The following RAD51B variants were observed in gnomAD, a reference collection of about 807,000 sequenced individuals.
RAD51B encodes the protein RAD51 paralog B.
RAD51B carries 38 observed loss-of-function variants against 42.2 expected under a neutral mutation model. The observed-to-expected ratio is 0.90, with a 90% CI of 0.70 to 1.18. The LOEUF (loss-of-function observed/expected upper bound fraction) is 1.18, where lower values mean the gene tolerates loss of function less well. RAD51B is among the 50% of genes most tolerant of loss of function. The pLI is 0.00. For missense variants in RAD51B, 373 were observed against 400.7 expected (o/e 0.93, Z 0.59); for synonymous variants, 154 against 145.2 (o/e 1.06, Z -0.43).
chr14:68,333,228 C>T (rs1407363987), intron 8 of RAD51B, among the ~76,000 whole-genome samples: 2 of 152,032 alleles, frequency 1.3e-5, no homozygotes, highest in Non-Finnish European at 1.5e-5. Context: ...GTAAAGAATG[C>T]CTACAAATCA....
At chr14:67,900,286 T>G (rs2043565933) in intron 7 of RAD51B, among the ~76,000 whole-genome samples, 1 of 152,202 alleles carries the variant, frequency 6.6e-6, no homozygotes, top group Non-Finnish European at 1.5e-5. Context: ...CTGAACAATA[T>G]TCTCAGAATT....
chr14:68,509,897 T>A (rs897783980), intron 10 of RAD51B, among the ~76,000 whole-genome samples: 1 of 152,260 alleles, frequency 6.6e-6, no homozygotes, highest in African/African-American at 2.4e-5. Flanking sequence ...TGCTTTAGCT[T>A]ATGGGGGGTG....
At chr14:68,237,946 G>A (rs1020307017) in intron 7 of RAD51B, among the ~76,000 whole-genome samples, 3 of 152,042 alleles carry the variant, frequency 2.0e-5, no homozygotes, top group African/African-American at 7.2e-5. Flanking sequence ...TGTTGGCCAA[G>A]ATGGTCTCGA....
chr14:68,081,136 T>C (rs1241086515), intron 7 of RAD51B, among the ~76,000 whole-genome samples: 1 of 152,240 alleles, frequency 6.6e-6, no homozygotes, highest in Non-Finnish European at 1.5e-5. Flanking sequence ...CACTTTGATA[T>C]GGCTCTCAAA....
intron 10 of RAD51B, among the ~76,000 whole-genome samples, chr14:68,624,022 AG>A (rs554283469): frequency 1.8e-4 from 27 of 152,322 alleles, no homozygotes; most frequent in African/African-American, 6.5e-4. Context: ...TTGGTCAGGA[AG>A]GGGGCCTCTG....
intron 7 of RAD51B, among the ~76,000 whole-genome samples, chr14:67,887,881 A>C (rs1424571960): frequency 6.6e-6 from 1 of 152,128 alleles, no homozygotes; most frequent in Non-Finnish European, 1.5e-5. Context: ...ACTAAGTTAC[A>C]CTCCCATCTG....
intron 10 of RAD51B, among the ~76,000 whole-genome samples, chr14:68,536,427 G>A (rs1457189680): frequency 6.6e-6 from 1 of 152,170 alleles, no homozygotes; most frequent in African/African-American, 2.4e-5. Context: ...AAAAGAATAT[G>A]TAAAACTGTA....
intron 7 of RAD51B, among the ~76,000 whole-genome samples, chr14:68,067,608 G>C (rs909957606): frequency 1.3e-5 from 2 of 151,980 alleles, no homozygotes; most frequent in African/African-American, 4.8e-5. Context: ...CATGATCCTT[G>C]TTCTCAAGGT....
intron 3 of RAD51B, among the ~76,000 whole-genome samples, chr14:67,833,572 G>C (rs2041130655): frequency 6.6e-6 from 1 of 152,128 alleles, no homozygotes; most frequent in Admixed American, 6.5e-5. Flanking sequence ...CTGACTAATG[G>C]GCAGGGAGTG....
chr14:67,926,558 C>CTTTTTTTTTTTTT (rs534207569), intron 7 of RAD51B, among the ~76,000 whole-genome samples: 3 of 85,114 alleles, frequency 3.5e-5, no homozygotes, highest in Non-Finnish European at 6.6e-5. Flanking sequence ...GATATGTTTC[C>CTTTTTTTTTTTTT]TTTTTTTTTT....
chr14:68,353,938 G>T (rs904598925), intron 8 of RAD51B, among the ~76,000 whole-genome samples: 1 of 152,204 alleles, frequency 6.6e-6, no homozygotes, highest in Admixed American at 6.5e-5. Context: ...GTCTCTAGGG[G>T]TTGTGCCTAA....
chr14:68,221,824 A>G (rs1215676529), intron 7 of RAD51B, among the ~76,000 whole-genome samples: 1 of 152,232 alleles, frequency 6.6e-6, no homozygotes, highest in African/African-American at 2.4e-5. Context: ...TCTAAAAAGA[A>G]CTCAAACAAA....
At chr14:68,667,450 T>C in intron 11 of RAD51B, among the ~76,000 whole-genome samples, 1 of 152,154 alleles carries the variant, frequency 6.6e-6, no homozygotes, top group East Asian at 1.9e-4. Flanking sequence ...TTATTGTAAA[T>C]CAAATATAAA....
intron 8 of RAD51B, among the ~76,000 whole-genome samples, chr14:68,354,216 G>GTT (rs3075406): frequency 0.039 from 4,303 of 110,448 alleles, 371 homozygotes; most frequent in African/African-American, 0.12. Context: ...TGGTTTTTTG[G>GTT]TTTTTTTTTT....
chr14:68,563,035 C>T, intron 10 of RAD51B: 1 of 985,492 alleles, frequency 1.0e-6, no homozygotes, highest in South Asian at 4.7e-5. Flanking sequence ...CAACCTCTCT[C>T]ACCCTGGCCG....
At chr14:67,977,211 C>T (rs114058338) in intron 7 of RAD51B, among the ~76,000 whole-genome samples, 77 of 152,256 alleles carry the variant, frequency 5.1e-4, no homozygotes, top group African/African-American at 1.7e-3. Flanking sequence ...TTTTACTTCT[C>T]GCATCTTTAT....
At chr14:68,459,491 C>T (rs1242108023) in intron 9 of RAD51B, among the ~76,000 whole-genome samples, 3 of 152,134 alleles carry the variant, frequency 2.0e-5, no homozygotes, top group Non-Finnish European at 4.4e-5. Flanking sequence ...ATAATAGGGT[C>T]CCTGTAGAAG....
chr14:67,848,055 G>A (rs1401429208), intron 4 of RAD51B, among the ~76,000 whole-genome samples: 2 of 152,150 alleles, frequency 1.3e-5, no homozygotes, highest in African/African-American at 2.4e-5. Flanking sequence ...GTCTCAGTCT[G>A]TCACCAGGCT....
chr14:67,911,876 A>G (rs1365878118), intron 7 of RAD51B, among the ~76,000 whole-genome samples: 1 of 152,158 alleles, frequency 6.6e-6, no homozygotes, highest in East Asian at 1.9e-4. Flanking sequence ...TTCCAGAACC[A>G]TTACTGTCTG....
Sources: allele counts gnomAD v4.1 joint callset (sites outside exome capture counted in the v4.1 genomes callset), GRCh38; gene constraint gnomAD v4.1.1; transcripts MANE v1.5; gene names NCBI Gene and HGNC (gene_info 2026-07-23, HGNC 2026-07-21).